IGFBP7: variants seen among roughly 807,000 people sequenced by gnomAD.
The protein encoded by IGFBP7 is insulin like growth factor binding protein 7, also known as insulin-like growth factor-binding protein 7.
IGFBP7 carries 31 observed loss-of-function variants against 29.4 expected under a neutral mutation model. The observed-to-expected ratio is 1.05, with a 90% confidence interval of 0.79 to 1.42. The LOEUF (loss-of-function observed/expected upper bound fraction) is 1.42. Ranked by LOEUF, IGFBP7 falls within the 40% of genes most tolerant of loss-of-function variation. IGFBP7 has a pLI of 0.00. For synonymous variants in IGFBP7, 172 were observed against 174.9 expected, an observed-to-expected ratio of 0.98 and a Z score of 0.13; for missense variants, 393 against 395.5, an observed-to-expected ratio of 0.99 and a Z score of 0.05.
chr4:57,087,899 C>T (rs1361541437), intron 1 of IGFBP7, among the ~76,000 whole-genome samples: 1 of 43,202 alleles, frequency 2.3e-5, no homozygotes, highest in African/African-American at 6.6e-5. Context: ...GGTGTGGTGG[C>T]TTATGCCTGT....
chr4:57,072,463 G>T (rs1430544514), intron 1 of IGFBP7, among the ~76,000 whole-genome samples: 1 of 152,260 alleles, frequency 6.6e-6, no homozygotes, highest in African/African-American at 2.4e-5. Context: ...AGCCCAGGAG[G>T]TTGATGATAC....
At chr4:57,051,661 T>A (rs1245920368) in intron 1 of IGFBP7, among the ~76,000 whole-genome samples, 2 of 152,190 alleles carry the variant, frequency 1.3e-5, no homozygotes, top group African/African-American at 4.8e-5. Context: ...ATAGTGACTT[T>A]GGAGCGTGGA....
At chr4:57,085,259 T>C (rs959942899) in intron 1 of IGFBP7, among the ~76,000 whole-genome samples, 16 of 152,204 alleles carry the variant, frequency 1.1e-4, no homozygotes, top group Non-Finnish European at 2.4e-4. Flanking sequence ...ATTTTTAGTG[T>C]TGGCTTGCTT....
At chr4:57,053,137 C>T (rs1247169776) in intron 1 of IGFBP7, among the ~76,000 whole-genome samples, 2 of 152,006 alleles carry the variant, frequency 1.3e-5, no homozygotes, top group Non-Finnish European at 2.9e-5. Flanking sequence ...CTGCCTCAGC[C>T]TCCAGAGTAG....
At chr4:57,048,912 T>C (rs1256655854) in intron 1 of IGFBP7, among the ~76,000 whole-genome samples, 2 of 152,174 alleles carry the variant, frequency 1.3e-5, no homozygotes, top group African/African-American at 4.8e-5. Context: ...ATGAAGAAAC[T>C]AGGAAGTGTC....
At chr4:57,104,622 G>A (rs542169379) in intron 1 of IGFBP7, among the ~76,000 whole-genome samples, 3 of 152,262 alleles carry the variant, frequency 2.0e-5, no homozygotes, top group Admixed American at 6.5e-5. Context: ...AAGAATGGAG[G>A]TTTAAAACTC....
At chr4:57,038,991 G>A (rs915877459) in intron 2 of IGFBP7, among the ~76,000 whole-genome samples, 4 of 150,774 alleles carry the variant, frequency 2.7e-5, no homozygotes, top group African/African-American at 7.3e-5. Context: ...ACTTGAACCC[G>A]GGAGGCGAGG....
At position 57,040,948 on chromosome 4, in the gene IGFBP7, A is replaced by C. The variant is rs1380497991; in HGVS notation, c.476-15T>G. 1.9e-6 allele frequency: 3 copies of C among 1,543,632 alleles called. No homozygotes were observed. The South Asian group carries it at 3.4e-5, about 17-fold the overall frequency. On this transcript the variant is annotated splice_polypyrimidine_tract_variant and intron_variant, in intron 1 of 4. Coordinates refer to ENST00000295666, the MANE Select transcript of IGFBP7 (RefSeq NM_001553.3). ...TATGGAAGGACCTGCAGGAGAGGGC[A>C]CAAAGCCAAAGTCATCTTTTAAACA...
At chr4:57,046,677 A>G (rs891537616) in intron 1 of IGFBP7, among the ~76,000 whole-genome samples, 2 of 152,176 alleles carry the variant, frequency 1.3e-5, no homozygotes, top group African/African-American at 4.8e-5. Context: ...AGAGCTCCAG[A>G]CTGCTCAAAC....
Position 57,110,214 on chromosome 4 carries a change from C to T in IGFBP7, c.138G>A (p.Leu46=), listed in dbSNP as rs1220230484. ...CGCGGGTCTCGCCCAGCAGGCAGCC[C>T]AGCGGGGGCAGGGGCGGGCAGGAGG... is the stretch of plus-strand genomic sequence containing the variant. ...EPASCPPLPP[L]GCLLGETRDA... Residue 46 remains leucine, a synonymous_variant, in exon 1 of 5, where the codon CTG becomes CTA. Coordinates refer to ENST00000295666, the MANE Select transcript of IGFBP7 (RefSeq NM_001553.3). 2.9e-6 allele frequency: 4 copies of T among 1,378,130 alleles called. No individual in the cohort carries two copies. In the Admixed American group the frequency reaches 1.4e-4, roughly 47 times the overall value. The allele number at this position is 1,378,130 out of a possible 1,614,324, so 85.4% of individuals were successfully genotyped here.
intron 1 of IGFBP7, among the ~76,000 whole-genome samples, chr4:57,096,597 G>C (rs1056701825): frequency 5.9e-5 from 9 of 152,132 alleles, no homozygotes; most frequent in African/African-American, 1.9e-4. Flanking sequence ...TTTAGAAGGT[G>C]ATAGAGTGCA....
intron 3 of IGFBP7, 150 bp from the exon 4 acceptor site, chr4:57,032,702 G>T: frequency 1.4e-6 from 1 of 692,258 alleles, no homozygotes. Context: ...CCTGTGATAG[G>T]AGACTTCGAT....
intron 1 of IGFBP7, among the ~76,000 whole-genome samples, chr4:57,083,043 G>A (rs1451452316): frequency 2.0e-5 from 3 of 152,006 alleles, no homozygotes; most frequent in Admixed American, 1.3e-4. Flanking sequence ...CCAAACATGG[G>A]CATAATTCTT....
At chr4:57,088,867 C>T (rs1296359747) in intron 1 of IGFBP7, among the ~76,000 whole-genome samples, 1 of 151,260 alleles carries the variant, frequency 6.6e-6, no homozygotes, top group Non-Finnish European at 1.5e-5. Context: ...CCATCTCTAC[C>T]AAAAAAATAC....
intron 1 of IGFBP7, among the ~76,000 whole-genome samples, chr4:57,087,408 A>G (rs1423171487): frequency 6.6e-6 from 1 of 152,234 alleles, no homozygotes; most frequent in Non-Finnish European, 1.5e-5. Context: ...GGAACAGACT[A>G]TCTCAAAAGG....
At position 57,050,245 on chromosome 4, in the gene IGFBP7, G is replaced by GT. The variant is rs10547708; in HGVS notation, c.476-9313dup. Among the ~76,000 whole-genome samples the GT allele has an allele frequency of 6.2e-3, 852 of 137,096 alleles. 3 individuals carry two copies. Among genetic ancestry groups the GT allele is most frequent in the African/African-American group, 0.013 (479 of 37,780 alleles). 89.9% of individuals were successfully genotyped at this position (137,096 alleles called of 152,430 possible). ...GAACATTTATTTTATTTTTATTTAAGTTTTTTTTTTTTTTTTTGAGACAGA... is the reference window on the plus strand; with the variant it reads ...GAACATTTATTTTATTTTTATTTAAGTTTTTTTTTTTTTTTTTTGAGACAGA... On this transcript the variant is annotated intron_variant, in intron 1 of 4. Coordinates refer to ENST00000295666, the MANE Select transcript of IGFBP7 (RefSeq NM_001553.3).
chr4:57,083,652 A>G (rs1472464491), intron 1 of IGFBP7, among the ~76,000 whole-genome samples: 2 of 152,230 alleles, frequency 1.3e-5, no homozygotes, highest in African/African-American at 2.4e-5. Context: ...CTGGCTGTTT[A>G]GTACATTGCT....
At chr4:57,047,147 G>C (rs1401796187) in intron 1 of IGFBP7, among the ~76,000 whole-genome samples, 1 of 152,186 alleles carries the variant, frequency 6.6e-6, no homozygotes, top group Non-Finnish European at 1.5e-5. Context: ...ATGTGTCATG[G>C]GTTGGGGGGT....
chr4:57,078,682 TA>T (rs1725288932), intron 1 of IGFBP7, among the ~76,000 whole-genome samples: 1 of 117,812 alleles, frequency 8.5e-6, no homozygotes, highest in Non-Finnish European at 2.0e-5. Context: ...CTTGTGAGTT[TA>T]GGATTTTTTT....
Sources: gnomAD v4.1 joint callset for allele counts (sites outside exome capture counted in the v4.1 genomes callset) on GRCh38, gnomAD v4.1.1 for gene constraint, MANE v1.5 for transcripts, NCBI Gene and HGNC (gene_info 2026-07-23, HGNC 2026-07-21) for gene names.